Variants in CPVL observed in about 807,000 individuals in gnomAD.
CPVL encodes the protein probable serine carboxypeptidase CPVL.
In CPVL, 51 loss-of-function variants were observed where a neutral mutation model predicts 63.7. The ratio of observed to expected loss-of-function variants is 0.80; its 90% confidence interval spans 0.64 to 1.01. The LOEUF (loss-of-function observed/expected upper bound fraction) is 1.01. CPVL is among the 50% of genes least tolerant of loss of function. The probability of loss-of-function intolerance (pLI) is 0.00; values close to 1 mark genes in which losing one functional copy is unlikely to be tolerated. For missense variants in CPVL, 530 were observed against 573.1 expected (o/e 0.92, Z 0.77); for synonymous variants, 195 against 206.0 (o/e 0.95, Z 0.46).
intron 10 of CPVL, among the ~76,000 whole-genome samples, 187 bp from the exon 11 acceptor site, chr7:29,064,421 T>C (rs1782949102): frequency 6.6e-6 from 1 of 152,180 alleles, no homozygotes; most frequent in Admixed American, 6.5e-5. Context: ...TTTTTACTAA[T>C]TAGAAATCTG....
chr7:29,154,870 C>T (rs957768727), intron 5 of CPVL, among the ~76,000 whole-genome samples: 1 of 152,088 alleles, frequency 6.6e-6, no homozygotes, highest in African/African-American at 2.4e-5. Context: ...AAGACATACT[C>T]GAGACTGGGC....
intron 12 of CPVL, among the ~76,000 whole-genome samples, chr7:29,017,664 C>T (rs561084523): frequency 5.9e-5 from 9 of 152,180 alleles, no homozygotes; most frequent in Non-Finnish European, 7.4e-5. Flanking sequence ...CAAAAAACCC[C>T]AATCTTCTCT....
At chr7:29,154,059 A>T (rs1467233540) in intron 5 of CPVL, among the ~76,000 whole-genome samples, 1 of 152,180 alleles carries the variant, frequency 6.6e-6, no homozygotes, top group African/African-American at 2.4e-5. Context: ...TTGACTGCAC[A>T]GGGGGTTGAC....
At chr7:29,070,229 T>G (rs1340263714) in intron 9 of CPVL, among the ~76,000 whole-genome samples, 1 of 152,202 alleles carries the variant, frequency 6.6e-6, no homozygotes, top group Non-Finnish European at 1.5e-5. Flanking sequence ...TCGTGGGTCA[T>G]GTTCTCATTA....
chr7:29,013,933 C>G (rs1159197502), intron 12 of CPVL, among the ~76,000 whole-genome samples: 1 of 152,242 alleles, frequency 6.6e-6, no homozygotes, highest in Non-Finnish European at 1.5e-5. Flanking sequence ...AGAAAATATG[C>G]TCCCAAGAGT....
At chr7:29,013,821 T>C (rs1786105320) in intron 12 of CPVL, among the ~76,000 whole-genome samples, 1 of 152,230 alleles carries the variant, frequency 6.6e-6, no homozygotes, top group Admixed American at 6.5e-5. Context: ...AAGAGCTGCC[T>C]TTCCCAAGAT....
intron 11 of CPVL, among the ~76,000 whole-genome samples, chr7:29,033,995 G>A (rs1387260289): frequency 6.6e-6 from 1 of 152,168 alleles, no homozygotes; most frequent in African/African-American, 2.4e-5. Context: ...CAAACCTGGG[G>A]AAAGAACAAA....
chr7:29,044,832 A>G (rs1279488026), intron 11 of CPVL, among the ~76,000 whole-genome samples: 1 of 152,074 alleles, frequency 6.6e-6, no homozygotes, highest in East Asian at 1.9e-4. Context: ...TGGGTTTTAG[A>G]TCTCTGGAAT....
chr7:29,175,909 G>A (rs749243204), intron 5 of CPVL, among the ~76,000 whole-genome samples: 6 of 151,938 alleles, frequency 3.9e-5, no homozygotes, highest in Non-Finnish European at 8.8e-5. Flanking sequence ...AAGACCAGAC[G>A]GGCGCGGTGG....
At position 29,146,438 on chromosome 7, in the gene CPVL, T is replaced by G; in HGVS notation, c.-20A>C. 1 of 1,241,054 alleles carries G rather than the reference T, an allele frequency of 8.1e-7. No individual in the cohort carries two copies. Among genetic ancestry groups the G allele is most frequent in the South Asian group, 1.7e-5 (1 of 60,232 alleles). 76.9% of individuals were successfully genotyped at this position (1,241,054 alleles called of 1,614,324 possible). On this transcript the variant is annotated 5_prime_UTR_variant, in exon 1 of 13. Coordinates refer to ENST00000265394, the MANE Select transcript of CPVL (RefSeq NM_031311.5). ...GGCAGGCGGCACTTACGCGGCGCAG[T>G]CGGTGCTCCTCCCTGAGCCGCGGCG...
At chr7:29,151,309 AC>A (rs1378641957), upstream of CPVL, among the ~76,000 whole-genome samples, 1 of 152,140 alleles carries the variant, frequency 6.6e-6, no homozygotes, top group African/African-American at 2.4e-5. Flanking sequence ...AAATTAATCT[AC>A]GTCTTTTGTA....
At chr7:29,042,161 G>A (rs1398373310) in intron 11 of CPVL, among the ~76,000 whole-genome samples, 3 of 152,172 alleles carry the variant, frequency 2.0e-5, no homozygotes, top group Non-Finnish European at 4.4e-5. Context: ...TGGAAACTAT[G>A]TCCATGTGGA....
chr7:29,070,669 G>C (rs1584169429), intron 9 of CPVL, among the ~76,000 whole-genome samples: 1 of 152,178 alleles, frequency 6.6e-6, no homozygotes, highest in Non-Finnish European at 1.5e-5. Flanking sequence ...GGAGAGCCTG[G>C]TGGAGCTCTG....
Position 29,095,092 on chromosome 7 carries a change from C to T in CPVL, c.454G>A (p.Asp152Asn), listed in dbSNP as rs1786260594. 6.2e-7 allele frequency: 1 copy of T among 1,613,744 alleles called. No homozygotes were observed. The highest frequency in any genetic ancestry group is 8.5e-7 in the Non-Finnish European group (1 of 1,179,656). Reference sequence around the variant, plus strand: ...GGTCATCCCGGACTTACTGGATTGTCAATGTAAAGCATGGAGAGCGTTGTG... The same window carrying T: ...GGTCATCCCGGACTTACTGGATTGTTAATGTAAAGCATGGAGAGCGTTGTG... ...WTTTLSMLYI[D>N]NPVGTGFSFT... is the part of the protein sequence containing the mutation. The change falls in exon 5 of 13, where the codon GAC (aspartate) becomes AAC (asparagine). Residue 152 changes from aspartate (D) to asparagine (N), a missense_variant. By Grantham distance (23) the Asp-to-Asn change is conservative (BLOSUM62 1). Coordinates refer to ENST00000265394, the MANE Select transcript of CPVL (RefSeq NM_031311.5).
At chr7:28,995,009 G>T (rs1036537544), downstream of CPVL, among the ~76,000 whole-genome samples, 7 of 149,964 alleles carry the variant, frequency 4.7e-5, no homozygotes, top group Admixed American at 1.3e-4. Context: ...AATTTTTTTT[G>T]ATATTCTAAC....
chr7:29,176,164 C>T (rs1443799668), intron 5 of CPVL, among the ~76,000 whole-genome samples: 4 of 149,336 alleles, frequency 2.7e-5, no homozygotes, highest in Non-Finnish European at 4.4e-5. Flanking sequence ...CCAGCCTAGG[C>T]GACAGAGCAA....
In CPVL at chr7:29,120,778, G is replaced by A. The variant is rs1252190589; in HGVS notation, c.169+115C>T. Reference sequence around the variant, plus strand: ...GGAGGTTGCAGTGAGCTGAGATCGCGCCACTGACCTCCAGCCTAGTGACAG... The same window carrying A: ...GGAGGTTGCAGTGAGCTGAGATCGCACCACTGACCTCCAGCCTAGTGACAG... On this transcript the variant is annotated intron_variant, in intron 2 of 12. Transcript: ENST00000265394. 13 of 995,772 alleles carry A rather than the reference G, an allele frequency of 1.3e-5. 1 individual carries two copies. Among genetic ancestry groups the A allele is most frequent in the South Asian group, 1.2e-4 (8 of 65,994 alleles). The allele number at this position is 995,772 out of a possible 1,614,324, so 61.7% of individuals were successfully genotyped here. A position where few individuals can be genotyped will look rare whatever the true frequency, so the allele number is the denominator to read the frequency against.
chr7:29,191,976 AG>A (rs1257370142), intron 1 of CPVL: 1 of 152,202 alleles, frequency 6.6e-6, no homozygotes, highest in African/African-American at 2.4e-5. Context: ...GAAGGATGAT[AG>A]TGAATGATTA....
chr7:29,044,447 G>C (rs2128167257), intron 11 of CPVL, among the ~76,000 whole-genome samples: 1 of 152,054 alleles, frequency 6.6e-6, no homozygotes, highest in Middle Eastern at 3.4e-3. Flanking sequence ...AGTCAGCAAA[G>C]CTTATTTTAT....
Sources: gnomAD v4.1 joint callset for allele counts (sites outside exome capture counted in the v4.1 genomes callset) on GRCh38, gnomAD v4.1.1 for gene constraint, MANE v1.5 for transcripts, NCBI Gene and HGNC (gene_info 2026-07-23, HGNC 2026-07-21) for gene names.